F13A1: variants seen among roughly 807,000 people sequenced by gnomAD.
F13A1 encodes FSF, A subunit.
Under a neutral mutation model 80.1 loss-of-function variants are expected in F13A1, and 47 were observed. The observed-to-expected ratio is 0.59, with a 90% confidence interval of 0.46 to 0.75. F13A1 has a LOEUF of 0.75. Ranked by LOEUF, F13A1 falls within the 30% of genes least tolerant of loss-of-function variation. The pLI is 0.00. For synonymous variants in F13A1, 349 were observed against 344.9 expected (o/e 1.01, Z -0.13); for missense variants, 817 against 930.4 (o/e 0.88, Z 1.59).
intron 4 of F13A1, among the ~76,000 whole-genome samples, chr6:6,253,956 GTCTCTCCCTGACGA>G (rs1561669361): frequency 1.3e-5 from 2 of 152,156 alleles, no homozygotes; most frequent in Non-Finnish European, 2.9e-5. Context: ...GCACATGTGT[GTCTCTCCCTGACGA>G]TCTTTATTTC....
At chr6:6,246,327 G>A (rs1757555098) in intron 6 of F13A1, among the ~76,000 whole-genome samples, 1 of 152,166 alleles carries the variant, frequency 6.6e-6, no homozygotes, top group African/African-American at 2.4e-5. Flanking sequence ...AAACGGAACA[G>A]ATTTTGGAAA....
intron 5 of F13A1, 41 bp from the exon 6 acceptor site, chr6:6,248,460 T>G (rs1451808631): frequency 6.7e-7 from 1 of 1,493,478 alleles, no homozygotes; most frequent in South Asian, 1.2e-5. Context: ...TAGTGTTCAC[T>G]CTGCAAGCAA....
chr6:6,257,751 C>A (rs1757722176), intron 4 of F13A1, among the ~76,000 whole-genome samples: 1 of 152,166 alleles, frequency 6.6e-6, no homozygotes, highest in South Asian at 2.1e-4. Context: ...TACAAACATG[C>A]TGCATTACAG....
rs191971049 is a variant in F13A1, at chr6:6,301,266, G to T, written c.319+4085C>A. Reference sequence around the variant, plus strand: ...GCTCTCATGTAACTTCCTGAATGATGTGAGATGCAGAAATGACTCTGATCA... The same window carrying T: ...GCTCTCATGTAACTTCCTGAATGATTTGAGATGCAGAAATGACTCTGATCA... On this transcript the variant is annotated intron_variant, in intron 3 of 14. Coordinates refer to ENST00000264870, the MANE Select transcript of F13A1 (RefSeq NM_000129.4). Among the ~76,000 whole-genome samples the T allele has an allele frequency of 7.4e-4, 112 of 152,322 alleles. No homozygotes were observed. The East Asian group carries it at 0.011, about 15-fold the overall frequency.
chr6:6,253,277 A>T (rs974897836), intron 4 of F13A1, among the ~76,000 whole-genome samples: 9 of 152,278 alleles, frequency 5.9e-5, no homozygotes, highest in Middle Eastern at 3.4e-3. Context: ...AGTTTCCTGC[A>T]TCTATGCCCT....
chr6:6,199,916 C>T (rs1761362453), intron 8 of F13A1, among the ~76,000 whole-genome samples: 1 of 152,076 alleles, frequency 6.6e-6, no homozygotes, highest in Non-Finnish European at 1.5e-5. Flanking sequence ...ATACAACCCA[C>T]AGGTTTAGGG....
intron 13 of F13A1, among the ~76,000 whole-genome samples, chr6:6,167,112 CTT>C (rs1760687182): frequency 6.6e-6 from 1 of 152,188 alleles, no homozygotes; most frequent in Admixed American, 6.5e-5. Context: ...GCCTGACCCA[CTT>C]TATTCTGGAG....
At chr6:6,147,136 C>T (rs7748218) in intron 14 of F13A1, among the ~76,000 whole-genome samples, 20,838 of 152,056 alleles carry the variant, frequency 0.14, 1,569 homozygotes, top group Middle Eastern at 0.17. Flanking sequence ...TGAACAATGA[C>T]GCAATGGTCT....
At chr6:6,199,815 C>T (rs541568856) in intron 8 of F13A1, among the ~76,000 whole-genome samples, 11 of 152,238 alleles carry the variant, frequency 7.2e-5, no homozygotes, top group South Asian at 2.1e-4. Context: ...GAGTCCTCCC[C>T]GGCTGTCCCC....
chr6:6,210,484 ACAGGCACC>A (rs1761587475), intron 8 of F13A1, among the ~76,000 whole-genome samples: 2 of 23,640 alleles, frequency 8.5e-5, no homozygotes, highest in Non-Finnish European at 1.5e-4. Context: ...AGCTGGGACT[ACAGGCACC>A]TGCCACAGTT....
At chr6:6,264,614 C>G (rs533666116) in intron 4 of F13A1, among the ~76,000 whole-genome samples, 74 of 152,238 alleles carry the variant, frequency 4.9e-4, no homozygotes, top group African/African-American at 1.8e-3. Context: ...CTCTGATTTT[C>G]TTCTCCAGAT....
At position 6,174,736 on chromosome 6, in the gene F13A1, C is replaced by T; in HGVS notation, c.1591G>A (p.Gly531Arg). 6.2e-7 allele frequency: 1 copy of T among 1,614,134 alleles called. No individual in the cohort carries two copies. Among genetic ancestry groups the T allele is most frequent in the Non-Finnish European group, 8.5e-7 (1 of 1,180,032 alleles). ...MDFEVENAVL[G>R]KDFKLSITFR... is the part of the protein sequence containing the mutation. ...GTGATGGAGAGCTTGAAGTCTTTTC[C>T]CAGCACAGCATTTTCCACTTCAAAG... The change falls in exon 12 of 15, where the codon GGA (glycine) becomes AGA (arginine). Residue 531 changes from glycine (G) to arginine (R), a missense_variant. Coordinates refer to ENST00000264870, the MANE Select transcript of F13A1 (RefSeq NM_000129.4).
chr6:6,264,585 A>G (rs1209915954), intron 4 of F13A1, among the ~76,000 whole-genome samples: 1 of 152,174 alleles, frequency 6.6e-6, no homozygotes, highest in African/African-American at 2.4e-5. Context: ...CTAGGTACAG[A>G]TAACTCCCAA....
chr6:6,144,992 C>T lies in F13A1; in HGVS notation c.*627G>A, dbSNP rs886061657. 2.5e-5 allele frequency: 4 copies of T among 156,946 alleles called. No homozygotes were observed. The highest frequency in any genetic ancestry group is 5.6e-5 in the Non-Finnish European group (4 of 70,868). 9.7% of individuals were successfully genotyped at this position (156,946 alleles called of 1,614,324 possible). On this transcript the variant is annotated 3_prime_UTR_variant, in exon 15 of 15. Transcript: ENST00000264870. Reference sequence around the variant, plus strand: ...ATCTCCTTGTAGGTGGTTAAGTTTCCCACAAATGCAATTTGTTAATATGGG... The same window carrying T: ...ATCTCCTTGTAGGTGGTTAAGTTTCTCACAAATGCAATTTGTTAATATGGG...
chr6:6,148,376 C>G (rs1387563027), intron 14 of F13A1, among the ~76,000 whole-genome samples: 1 of 152,174 alleles, frequency 6.6e-6, no homozygotes, highest in African/African-American at 2.4e-5. Context: ...ACCAGCTCCT[C>G]ACCTTCCAGG....
intron 3 of F13A1, among the ~76,000 whole-genome samples, chr6:6,284,332 G>T (rs1307617828): frequency 6.6e-6 from 1 of 152,228 alleles, no homozygotes; most frequent in East Asian, 1.9e-4. Flanking sequence ...GTAATGGAGA[G>T]AGTGTGTCAT....
chr6:6,171,124 G>T (rs1030388003), intron 12 of F13A1, among the ~76,000 whole-genome samples: 5 of 152,188 alleles, frequency 3.3e-5, no homozygotes, highest in African/African-American at 9.7e-5. Flanking sequence ...CAGGACACTT[G>T]TGAGGTGGGA....
rs3024351 is a variant in F13A1 at position 6,292,394 on chromosome 6, G to A, written c.319+12957C>T. 1.0e-3 allele frequency among the ~76,000 whole-genome samples: 156 copies of A among 152,178 alleles called. 1 individual carries two copies. The highest frequency in any genetic ancestry group is 3.6e-3 in the African/African-American group (150 of 41,528). On this transcript the variant is annotated intron_variant, in intron 3 of 14. Coordinates refer to ENST00000264870, the MANE Select transcript of F13A1 (RefSeq NM_000129.4). ...ACCCCTCACAGACTCCCCAACACAA[G>A]TCCTGCAGATTTTGCCTCCTAAATA...
intron 6 of F13A1, among the ~76,000 whole-genome samples, chr6:6,247,509 C>T (rs769699309): frequency 2.0e-5 from 3 of 152,176 alleles, no homozygotes; most frequent in Non-Finnish European, 4.4e-5. Context: ...TAATCCAGGA[C>T]TGCATGGGTC....
Sources: allele counts gnomAD v4.1 joint callset (sites outside exome capture counted in the v4.1 genomes callset), GRCh38; gene constraint gnomAD v4.1.1; transcripts MANE v1.5; gene names NCBI Gene and HGNC (gene_info 2026-07-23, HGNC 2026-07-21).